The following DNAH7 variants were observed in gnomAD, a reference collection of about 807,000 sequenced individuals.
DNAH7 encodes axonemal beta dynein heavy chain 7.
DNAH7 carries 397 observed loss-of-function variants against 444.6 expected under a neutral mutation model. The ratio of observed to expected loss-of-function variants is 0.89; its 90% confidence interval spans 0.82 to 0.97. The LOEUF is 0.97. Among genes scored for constraint, DNAH7 ranks in the 50% least tolerant of loss-of-function variants. The pLI is 0.00. For synonymous variants in DNAH7, 1,636 were observed against 1,624.4 expected, an observed-to-expected ratio of 1.01 and a Z score of -0.17; for missense variants, 4,902 against 4,800.8, an observed-to-expected ratio of 1.02 and a Z score of -0.62.
rs1698432226 is a variant in DNAH7 at position 196,066,398 on chromosome 2, T to C, written c.15+2299A>G. Among the ~76,000 whole-genome samples the C allele has an allele frequency of 2.0e-5, 3 of 152,298 alleles. 1 individual carries two copies. In the South Asian group the frequency reaches 6.2e-4, roughly 32 times the overall value. ...ATTTCAAAAACATGATGAAGGAAAA[T>C]GGAATGAGCATCACATCATATAAAC... is the stretch of plus-strand genomic sequence containing the variant. On this transcript the variant is annotated intron_variant, in intron 1 of 64. Transcript: ENST00000312428.
At chr2:195,973,191 A>G (rs1691963685) in intron 15 of DNAH7, among the ~76,000 whole-genome samples, 1 of 152,152 alleles carries the variant, frequency 6.6e-6, no homozygotes, top group Non-Finnish European at 1.5e-5. Flanking sequence ...GTGGTAGGGC[A>G]GCAGATGGCT....
At chr2:195,810,416 T>G (rs9288253) in intron 51 of DNAH7, among the ~76,000 whole-genome samples, 7,551 of 152,164 alleles carry the variant, frequency 0.05, 300 homozygotes, top group African/African-American at 0.11. Context: ...TATTATTTAT[T>G]TATTTATTTG....
In DNAH7 at chr2:195,858,544, T is replaced by C; in HGVS notation, c.7997A>G (p.Asp2666Gly). The change falls in exon 43 of 65, where the codon GAT (aspartate) becomes GGT (glycine). Residue 2666 changes from aspartate to glycine, a missense_variant. Physicochemically the swap from Asp to Gly is moderately conservative, Grantham distance 94. Coordinates refer to ENST00000312428, the MANE Select transcript of DNAH7 (RefSeq NM_018897.3). ...MASKAIKDEC[D>G]ADLAGALPIL... is the part of the protein sequence containing the mutation. ...TGGCAAGGCACCTGCCAGGTCAGCA[T>C]CGCACTCATCTTTGATGGCTTTGGA... is the stretch of plus-strand genomic sequence containing the variant. 1 of 1,613,910 alleles carries C rather than the reference T, an allele frequency of 6.2e-7. No homozygotes were observed. Among genetic ancestry groups the C allele is most frequent in the South Asian group, 1.1e-5 (1 of 91,074 alleles).
intron 33 of DNAH7, 58 bp from the exon 34 acceptor site, chr2:195,886,330 GC>G: frequency 1.4e-6 from 2 of 1,474,594 alleles, no homozygotes. Flanking sequence ...AGCTAAAATA[GC>G]CCCAGCTAAT....
chr2:195,841,085 TG>T (rs1418896392), intron 47 of DNAH7, among the ~76,000 whole-genome samples: 1 of 151,926 alleles, frequency 6.6e-6, no homozygotes, highest in Non-Finnish European at 1.5e-5. Context: ...AATAGGTAAA[TG>T]GAACAGAGAA....
Position 195,845,151 on chromosome 2 carries a change from C to T in DNAH7, c.8796G>A (p.Glu2932=), listed in dbSNP as rs1211393240. 1.9e-6 allele frequency: 3 copies of T among 1,609,502 alleles called. No individual in the cohort carries two copies. In the Admixed American group the frequency reaches 5.1e-5, roughly 27 times the overall value. The change falls in exon 47 of 65, where the codon GAG becomes GAA. Residue 2932 remains glutamate, a synonymous_variant. Transcript: ENST00000312428. ...CTCTTCCTTTGCACAAAGTTGTCCA[C>T]TCTTTAGTTTGATTCTTTAGAACAT... is the stretch of plus-strand genomic sequence containing the variant. ...TSTYRQNQTK[E]WTTLCKGRDI...
chr2:195,968,687 A>G (rs918787234), intron 17 of DNAH7, among the ~76,000 whole-genome samples: 3 of 152,184 alleles, frequency 2.0e-5, no homozygotes, highest in Non-Finnish European at 4.4e-5. Context: ...GGACAGCATC[A>G]GGGCTTGCCT....
intron 5 of DNAH7, among the ~76,000 whole-genome samples, chr2:196,029,302 T>C (rs961748505): frequency 6.6e-6 from 1 of 152,104 alleles, no homozygotes; most frequent in African/African-American, 2.4e-5. Context: ...TCATCCTACC[T>C]ACCTTGCTGA....
At chr2:196,025,405 C>T (rs1416854184) in intron 7 of DNAH7, among the ~76,000 whole-genome samples, 1 of 152,108 alleles carries the variant, frequency 6.6e-6, no homozygotes, top group Non-Finnish European at 1.5e-5. Context: ...TTCAGAGACT[C>T]TCCTTTACCT....
At chr2:196,059,133 C>T (rs1221014949) in intron 1 of DNAH7, among the ~76,000 whole-genome samples, 1 of 152,102 alleles carries the variant, frequency 6.6e-6, no homozygotes, top group Admixed American at 6.5e-5. Context: ...ACTTACTTGG[C>T]CCCACCTCCC....
At chr2:195,796,070 C>T (rs139701020) in intron 56 of DNAH7, among the ~76,000 whole-genome samples, 158 of 152,208 alleles carry the variant, frequency 1.0e-3, no homozygotes, top group African/African-American at 3.8e-3. Flanking sequence ...ACAGGGAAGT[C>T]CCACGACCCA....
intron 19 of DNAH7, among the ~76,000 whole-genome samples, chr2:195,953,681 G>A (rs1052720659): frequency 2.0e-5 from 3 of 152,196 alleles, no homozygotes; most frequent in Admixed American, 6.5e-5. Context: ...CAGCTTTGCT[G>A]AGCTGCAGTG....
intron 19 of DNAH7, among the ~76,000 whole-genome samples, chr2:195,941,131 A>G (rs1689407592): frequency 6.6e-6 from 1 of 152,184 alleles, no homozygotes; most frequent in Admixed American, 6.6e-5. Flanking sequence ...CCAAATGCCC[A>G]TCAATGATAG....
chr2:196,047,476 T>C lies in DNAH7; in HGVS notation c.274A>G (p.Lys92Glu). The change falls in exon 5 of 65, where the codon AAA becomes GAA. Residue 92 changes from lysine (K) to glutamate (E), a missense_variant. Coordinates refer to ENST00000312428, the MANE Select transcript of DNAH7 (RefSeq NM_018897.3). ...SHAEYMERFG[K>E]KGKLPHQVDD... ...ACTTGGTGGGGTAATTTGCCCTTTT[T>C]TCCAAAACGTTCCATGTATTCAGCT... 1 of 1,596,648 alleles carries C rather than the reference T, an allele frequency of 6.3e-7. No individual in the cohort carries two copies. The highest frequency in any genetic ancestry group is 8.5e-7 in the Non-Finnish European group (1 of 1,170,230).
At chr2:195,852,911 CACACAGAGAGAGAG>C (rs1321866405) in intron 46 of DNAH7, among the ~76,000 whole-genome samples, 207 of 125,934 alleles carry the variant, frequency 1.6e-3, no homozygotes, top group African/African-American at 6.4e-3. Context: ...CACACACACA[CACACAGAGAGAGAG>C]AGAGAGAGAG....
At chr2:195,872,974 T>C (rs962682300) in intron 39 of DNAH7, among the ~76,000 whole-genome samples, 2 of 152,062 alleles carry the variant, frequency 1.3e-5, no homozygotes, top group African/African-American at 4.8e-5. Flanking sequence ...ACAAAGTGCA[T>C]GATTAGAGTA....
At chr2:195,923,916 A>G (rs1688178483) in intron 22 of DNAH7, 109 bp from the exon 23 acceptor site, 4 of 999,434 alleles carry the variant, frequency 4.0e-6, no homozygotes, top group Non-Finnish European at 4.5e-6. Flanking sequence ...TTTGATTACA[A>G]CTTTCCATGT....
intron 63 of DNAH7, among the ~76,000 whole-genome samples, chr2:195,750,818 C>T (rs1409942797): frequency 1.3e-5 from 2 of 152,206 alleles, no homozygotes; most frequent in Admixed American, 1.3e-4. Flanking sequence ...GGTATCCATG[C>T]TGTTTCTTTG....
chr2:195,884,490 G>T, intron 35 of DNAH7, 95 bp downstream of exon 35: 1 of 847,100 alleles, frequency 1.2e-6, no homozygotes, highest in Non-Finnish European at 1.9e-6. Context: ...GGTAAATAGT[G>T]ATGATGAAGG....
Sources: allele counts gnomAD v4.1 joint callset (sites outside exome capture counted in the v4.1 genomes callset), GRCh38; gene constraint gnomAD v4.1.1; transcripts MANE v1.5; gene names NCBI Gene and HGNC (gene_info 2026-07-23, HGNC 2026-07-21).